The following ZNF35 variants were observed in gnomAD, a reference collection of about 807,000 sequenced individuals.
ZNF35 encodes the protein zinc finger protein 35.
Under a neutral mutation model 45.9 loss-of-function variants are expected in ZNF35, and 31 were observed. The observed-to-expected ratio is 0.68, with a 90% CI of 0.51 to 0.91. The LOEUF is 0.91. Ranked by LOEUF, ZNF35 falls within the 40% of genes least tolerant of loss-of-function variation. The pLI is 0.00. For synonymous variants in ZNF35, 205 were observed against 220.2 expected (o/e 0.93, Z 0.61); for missense variants, 515 against 625.4 (o/e 0.82, Z 1.88).
rs1376910749 is a variant in ZNF35, at chr3:44,659,820, G to A, written c.1457G>A (p.Arg486Lys). The change falls in exon 4 of 4, where the codon AGG becomes AAG. Residue 486 changes from arginine (R) to lysine (K), a missense_variant. Arg to Lys is a conservative substitution (Grantham distance 26). This residue lies in a region of ZNF35 where 232 missense variants were observed against 304.6 expected (regional missense o/e 0.76). Transcript: ENST00000396056. This position sits in a 1 kb window ranked among gnomAD's most constrained non-coding sequence, Gnocchi z 4.3. ...CNECGKAFRQ[R>K]SSLTVHQRTH... ...GAGTGTGGGAAGGCCTTCAGACAGAGGTCGAGCCTCACCGTGCACCAGAGA... is the reference window on the plus strand; with the variant it reads ...GAGTGTGGGAAGGCCTTCAGACAGAAGTCGAGCCTCACCGTGCACCAGAGA... 2 of 1,613,960 alleles carry A rather than the reference G, an allele frequency of 1.2e-6. No homozygotes were observed. Among genetic ancestry groups the A allele is most frequent in the South Asian group, 1.1e-5 (1 of 91,068 alleles).
In ZNF35 at chr3:44,659,909, C is replaced by A. The variant is rs775696113; in HGVS notation, c.1546C>A (p.His516Asn). 3.8e-6 allele frequency: 6 copies of A among 1,588,910 alleles called. No individual in the cohort carries two copies. In the Admixed American group the frequency reaches 8.8e-5, roughly 23 times the overall value. Residue 516 changes from histidine to asparagine, a missense_variant, in exon 4 of 4, where the codon CAC (histidine) becomes AAC (asparagine). His to Asn is a moderately conservative substitution (Grantham distance 68). Coordinates refer to ENST00000396056, the MANE Select transcript of ZNF35 (RefSeq NM_003420.4). This position sits in a 1 kb window ranked among gnomAD's most constrained non-coding sequence, Gnocchi z 4.3. ...TGGTGCAGCTTTCATTTCCAACTCA[C>A]ACCTCATGCGACACCATAGAACCCA... ...KCGAAFISNSHLMRHHRTHLV... is the reference protein window; with the variant it reads ...KCGAAFISNSNLMRHHRTHLV...
chr3:44,649,713 C>CAA (rs1019607540), intron 1 of ZNF35, among the ~76,000 whole-genome samples: 4 of 142,528 alleles, frequency 2.8e-5, no homozygotes, highest in East Asian at 4.0e-4. Flanking sequence ...AATAATTCAG[C>CAA]AAAAAAAAAA....
Position 44,659,464 on chromosome 3 carries a change from T to C in ZNF35, c.1101T>C (p.Cys367=). 5 of 1,613,908 alleles carry C rather than the reference T, an allele frequency of 3.1e-6. No homozygotes were observed. The highest frequency in any genetic ancestry group is 4.2e-6 in the Non-Finnish European group (5 of 1,179,926). The change falls in exon 4 of 4, where the codon TGT becomes TGC. Residue 367 remains cysteine, a synonymous_variant. Coordinates refer to ENST00000396056, the MANE Select transcript of ZNF35 (RefSeq NM_003420.4). The surrounding 1 kb of genome is among the most constrained non-coding windows in gnomAD (Gnocchi z 4.3). The stretch of plus-strand genomic sequence containing the variant: ...AGAAGCCCTTTGCCTGTAACGACTG[T>C]GGCAAAGCCTTTACCCAGAGTGCAA... The part of the protein sequence containing the change: ...TGEKPFACND[C]GKAFTQSANL...
In ZNF35 at chr3:44,658,808, G is replaced by T; in HGVS notation, c.445G>T (p.Gly149Ter). The T allele has an allele frequency of 6.2e-7, 1 of 1,613,110 alleles. No homozygotes were observed. The highest frequency in any genetic ancestry group is 8.5e-7 in the Non-Finnish European group (1 of 1,179,842). The change falls in exon 4 of 4, where the codon GGA becomes TGA. Residue 149 changes from glycine (G) to a stop codon, truncating the protein, a stop_gained. Coordinates refer to ENST00000396056, the MANE Select transcript of ZNF35 (RefSeq NM_003420.4). LOFTEE classifies it high-confidence loss of function. The part of the protein sequence containing the change: ...SERIQKADPQ[G>*]PELGEACEKG... ...AAGAATCCAGAAAGCTGATCCTCAA[G>T]GACCTGAGTTAGGAGAAGCTTGTGA...
At chr3:44,647,840 G>A (rs1703046065), upstream of ZNF35, 1 of 152,184 alleles carries the variant, frequency 6.6e-6, no homozygotes, top group African/African-American at 2.4e-5. Flanking sequence ...CTATTAAAAG[G>A]TAGCACCAGA....
chr3:44,658,687 GT>G lies in ZNF35; in HGVS notation c.338-11del. ...GAGAAAGCTAACATTTGTATTTTCT[GT>G]TTCTTGGTTCAGGTGCTGAAACCAA... On this transcript the variant is annotated splice_polypyrimidine_tract_variant and intron_variant, in intron 3 of 3. Coordinates refer to ENST00000396056, the MANE Select transcript of ZNF35 (RefSeq NM_003420.4). The G allele has an allele frequency of 6.5e-7, 1 of 1,541,580 alleles. No individual in the cohort carries two copies. Among genetic ancestry groups the G allele is most frequent in the Non-Finnish European group, 8.7e-7 (1 of 1,152,748 alleles).
intron 3 of ZNF35, among the ~76,000 whole-genome samples, chr3:44,658,111 A>C (rs1475535502): frequency 2.0e-5 from 3 of 152,206 alleles, no homozygotes; most frequent in Non-Finnish European, 4.4e-5. Flanking sequence ...TGTATGCTGC[A>C]GGACCTCGCA....
chr3:44,652,748 A>G, intron 3 of ZNF35, 47 bp downstream of exon 3: 1 of 1,481,582 alleles, frequency 6.7e-7, no homozygotes, highest in South Asian at 1.4e-5. Context: ...GGGGTTTCTC[A>G]AAATCTTTTC....
chr3:44,649,965 A>C (rs1181602158), intron 1 of ZNF35, among the ~76,000 whole-genome samples: 1 of 152,212 alleles, frequency 6.6e-6, no homozygotes, highest in Admixed American at 6.5e-5. Flanking sequence ...GTGATGATCT[A>C]AAGTATGTTT....
rs1703375085 is a variant in ZNF35 at position 44,660,066 on chromosome 3, T to C, written c.*119T>C. ...GTGAGGGCTGTGTCCTTAAAAGTTA[T>C]AGTTTTCAGGAATGCAGCAGAAGAC... On this transcript the variant is annotated 3_prime_UTR_variant, in exon 4 of 4. Transcript: ENST00000396056. 1.5e-5 allele frequency: 17 copies of C among 1,100,292 alleles called. No individual in the cohort carries two copies. The highest frequency in any genetic ancestry group is 9.8e-5 in the South Asian group (4 of 40,718). The allele number at this position is 1,100,292 out of a possible 1,614,324, so 68.2% of individuals were successfully genotyped here. A position where few individuals can be genotyped will look rare whatever the true frequency, so the allele number is the denominator to read the frequency against.
Position 44,659,589 on chromosome 3 carries a change from A to G in ZNF35, c.1226A>G (p.Gln409Arg). The change falls in exon 4 of 4, where the codon CAG becomes CGG. Residue 409 changes from glutamine (Q) to arginine (R), a missense_variant. By Grantham distance (43) the Gln-to-Arg change is conservative (BLOSUM62 1). Around this residue, in one of 3 missense-constraint regions of ZNF35, gnomAD observed 232 missense variants for 304.6 expected, o/e 0.76. Coordinates refer to ENST00000396056, the MANE Select transcript of ZNF35 (RefSeq NM_003420.4). The surrounding 1 kb of genome is among the most constrained non-coding windows in gnomAD (Gnocchi z 4.3). The stretch of plus-strand genomic sequence containing the variant: ...TGTTTTTCACACCTTATTGTGCACC[A>G]GAGAATTCACACTGCAGAGAAACCT... Reference protein sequence around the residue: ...FSCFSHLIVHQRIHTAEKPYD... With the variant: ...FSCFSHLIVHRRIHTAEKPYD... The G allele has an allele frequency of 1.2e-6, 2 of 1,614,156 alleles. No homozygotes were observed. The highest frequency in any genetic ancestry group is 1.7e-6 in the Non-Finnish European group (2 of 1,180,000).
At chr3:44,658,675 T>C (rs765566735) in intron 3 of ZNF35, 26 bp from the exon 4 acceptor site, 3 of 1,535,742 alleles carry the variant, frequency 2.0e-6, no homozygotes, top group Non-Finnish European at 1.7e-6. Context: ...AAAGCTAACA[T>C]TTGTATTTTC....
At chr3:44,646,535 C>T (rs115635101), upstream of ZNF35, 2,533 of 1,360,328 alleles carry the variant, frequency 1.9e-3, 42 homozygotes, top group African/African-American at 0.032. Flanking sequence ...AAAGACACCA[C>T]GAGAAACAGA....
chr3:44,652,464 A>G, intron 2 of ZNF35, 93 bp from the exon 3 acceptor site: 2 of 1,291,358 alleles, frequency 1.5e-6, no homozygotes, highest in Non-Finnish European at 2.1e-6. Flanking sequence ...TATGGCCTCC[A>G]GGAATAGATA....
intron 3 of ZNF35, among the ~76,000 whole-genome samples, chr3:44,655,771 G>A (rs1703289864): frequency 6.6e-6 from 1 of 152,208 alleles, no homozygotes; most frequent in African/African-American, 2.4e-5. Flanking sequence ...GGCTACAGTT[G>A]CACCTGGTTT....
rs115288482 is a variant in ZNF35 at position 44,650,874 on chromosome 3, G to A, written c.-127-67G>A. The stretch of plus-strand genomic sequence containing the variant: ...GGTGAAATTTGCCGGTGTGGCATCC[G>A]GCAAATTTGCTAAGTGGCATCCAGC... On this transcript the variant is annotated intron_variant, in intron 1 of 3. Coordinates refer to ENST00000396056, the MANE Select transcript of ZNF35 (RefSeq NM_003420.4). The A allele has an allele frequency of 3.3e-3, 1,763 of 535,796 alleles. 28 individuals carry two copies. Among genetic ancestry groups the A allele is most frequent in the African/African-American group, 0.031 (1,612 of 52,400 alleles). 33.2% of individuals were successfully genotyped at this position (535,796 alleles called of 1,614,324 possible).
At chr3:44,654,358 G>T (rs957457845) in intron 3 of ZNF35, among the ~76,000 whole-genome samples, 6 of 152,156 alleles carry the variant, frequency 3.9e-5, no homozygotes, top group African/African-American at 1.4e-4. Context: ...TTGCTGCCCT[G>T]CCTGTAATAA....
At chr3:44,657,392 C>T (rs1703328521) in intron 3 of ZNF35, among the ~76,000 whole-genome samples, 1 of 152,218 alleles carries the variant, frequency 6.6e-6, no homozygotes, top group Non-Finnish European at 1.5e-5. Context: ...CCCTTTATTT[C>T]ACTTGCCTTA....
intron 2 of ZNF35, among the ~76,000 whole-genome samples, chr3:44,651,828 G>T (rs2125838659): frequency 6.9e-6 from 1 of 145,284 alleles, no homozygotes; most frequent in African/African-American, 2.6e-5. Context: ...GTGAGACCCT[G>T]CCTCAAAAAA....
Sources: gnomAD v4.1 joint callset for allele counts (sites outside exome capture counted in the v4.1 genomes callset) on GRCh38, gnomAD v4.1.1 for gene constraint, gnomAD v4.1.1 regional missense constraint, Gnocchi (gnomAD v3.1) non-coding constraint, MANE v1.5 for transcripts, NCBI Gene and HGNC (gene_info 2026-07-23, HGNC 2026-07-21) for gene names.